The following CEP170 variants were observed in gnomAD, a reference collection of about 807,000 sequenced individuals.
CEP170 encodes centrosomal protein of 170 kDa.
Under a neutral mutation model 151.9 loss-of-function variants are expected in CEP170, and 21 were observed. That is an observed-to-expected ratio of 0.14 (90% CI 0.10 to 0.20). The LOEUF (loss-of-function observed/expected upper bound fraction) is 0.20, where lower values mean the gene tolerates loss of function less well. Ranked by LOEUF, CEP170 falls within the 10% of genes least tolerant of loss-of-function variation. The pLI is 1.00. For synonymous variants in CEP170, 356 were observed against 648.8 expected, an observed-to-expected ratio of 0.55 and a Z score of 6.86; for missense variants, 964 against 1,892.9, an observed-to-expected ratio of 0.51 and a Z score of 9.11.
chr1:243,198,392 T>G (rs2060801573), intron 7 of CEP170, among the ~76,000 whole-genome samples: 1 of 152,160 alleles, frequency 6.6e-6, no homozygotes, highest in Non-Finnish European at 1.5e-5. Flanking sequence ...TTTTTCATTC[T>G]GGCTGCCAAA....
chr1:243,159,735 T>C (rs2057884776), intron 13 of CEP170, among the ~76,000 whole-genome samples: 1 of 143,936 alleles, frequency 6.9e-6, no homozygotes, highest in Non-Finnish European at 1.5e-5. Flanking sequence ...CCAAGTGTTG[T>C]ATACATTCTA....
intron 7 of CEP170, among the ~76,000 whole-genome samples, chr1:243,198,447 C>A (rs2060804774): frequency 6.6e-6 from 1 of 152,062 alleles, no homozygotes; most frequent in Non-Finnish European, 1.5e-5. Context: ...AATGAGCACA[C>A]TGAGGTTTTG....
intron 14 of CEP170, among the ~76,000 whole-genome samples, chr1:243,151,286 C>A (rs1182751713): frequency 6.7e-6 from 1 of 149,926 alleles, no homozygotes. Context: ...AATCTCCCAT[C>A]TGATCAACCA....
intron 1 of CEP170, among the ~76,000 whole-genome samples, chr1:243,237,421 T>C (rs1182857413): frequency 1.3e-5 from 2 of 152,240 alleles, no homozygotes; most frequent in African/African-American, 4.8e-5. Flanking sequence ...AGTGGCACTC[T>C]AGCTAGTTCA....
chr1:243,200,571 G>A lies in CEP170; in HGVS notation c.443C>T (p.Thr148Ile). 1 of 1,587,650 alleles carries A rather than the reference G, an allele frequency of 6.3e-7. No individual in the cohort carries two copies. The highest frequency in any genetic ancestry group is 8.6e-7 in the Non-Finnish European group (1 of 1,164,120). The change falls in exon 6 of 20, where the codon ACT (threonine) becomes ATT (isoleucine). Residue 148 changes from threonine to isoleucine, a missense_variant. Transcript: ENST00000366542. ...SIDSKVADAA[T>I]EVQHKTTEAL... ...TTCAGTAGTTTTGTGCTGCACTTCA[G>A]TAGCAGCGTCTGCTACCTTTGAATC... is the stretch of plus-strand genomic sequence containing the variant.
intron 16 of CEP170, among the ~76,000 whole-genome samples, chr1:243,138,306 A>G (rs2055380812): frequency 6.6e-6 from 1 of 150,660 alleles, no homozygotes; most frequent in African/African-American, 2.4e-5. Flanking sequence ...CCTGATACCA[A>G]GAACAAATCA....
At chr1:243,135,295 C>T (rs1423308084) in intron 17 of CEP170, among the ~76,000 whole-genome samples, 3 of 152,094 alleles carry the variant, frequency 2.0e-5, no homozygotes, top group Non-Finnish European at 4.4e-5. Flanking sequence ...GAAGCTCTGC[C>T]TCCCGGGTTC....
chr1:243,215,335 C>T (rs1221182332), intron 3 of CEP170, among the ~76,000 whole-genome samples: 1 of 152,140 alleles, frequency 6.6e-6, no homozygotes, highest in Non-Finnish European at 1.5e-5. Flanking sequence ...GGTCTGGCTG[C>T]CTGAGAGCCA....
intron 1 of CEP170, among the ~76,000 whole-genome samples, chr1:243,237,233 T>C (rs974692370): frequency 6.6e-6 from 1 of 152,312 alleles, no homozygotes; most frequent in Non-Finnish European, 1.5e-5. Flanking sequence ...TTTATAAATA[T>C]CTCTATACCA....
chr1:243,203,212 A>G (rs2061176283), intron 4 of CEP170, among the ~76,000 whole-genome samples: 1 of 152,180 alleles, frequency 6.6e-6, no homozygotes, highest in African/African-American at 2.4e-5. Flanking sequence ...TAACTTGCTA[A>G]TCAAGAAAAA....
At position 243,249,863 on chromosome 1, in the gene CEP170, A is replaced by G. The variant is rs146346967; in HGVS notation, c.-42+5177T>C. Among the ~76,000 whole-genome samples the G allele has an allele frequency of 8.0e-3, 1,214 of 152,348 alleles. 16 individuals are homozygous for G. The highest frequency in any genetic ancestry group is 0.027 in the African/African-American group (1,138 of 41,582). ...CTTTCAGAGGCCTAGGCAGTGGACCATGAGGTCAGGAGATCAAGATCATCC... is the reference window on the plus strand; with the variant it reads ...CTTTCAGAGGCCTAGGCAGTGGACCGTGAGGTCAGGAGATCAAGATCATCC... On this transcript the variant is annotated intron_variant, in intron 1 of 19. Transcript: ENST00000366542.
chr1:243,175,664 G>A (rs2059181229), intron 10 of CEP170, among the ~76,000 whole-genome samples: 2 of 152,162 alleles, frequency 1.3e-5, no homozygotes, highest in Non-Finnish European at 1.5e-5. Context: ...AGTATGCTAG[G>A]TTCTCTCACC....
At chr1:243,198,118 G>C (rs1449537132) in intron 7 of CEP170, among the ~76,000 whole-genome samples, 1 of 152,114 alleles carries the variant, frequency 6.6e-6, no homozygotes, top group African/African-American at 2.4e-5. Flanking sequence ...TTCAGAGCCA[G>C]ACTTAGTCTT....
At chr1:243,218,043 A>G (rs1254186969) in intron 3 of CEP170, among the ~76,000 whole-genome samples, 1 of 152,238 alleles carries the variant, frequency 6.6e-6, no homozygotes, top group Non-Finnish European at 1.5e-5. Context: ...ATACAACTAC[A>G]TGACACAATT....
At chr1:243,249,108 T>C (rs1021362102) in intron 1 of CEP170, among the ~76,000 whole-genome samples, 2 of 152,168 alleles carry the variant, frequency 1.3e-5, no homozygotes, top group Non-Finnish European at 2.9e-5. Flanking sequence ...ACACAAAATA[T>C]GTATTTATAT....
intron 1 of CEP170, among the ~76,000 whole-genome samples, chr1:243,254,069 G>A (rs1217898315): frequency 6.6e-6 from 1 of 152,058 alleles, no homozygotes; most frequent in Non-Finnish European, 1.5e-5. Flanking sequence ...TGACACAACA[G>A]CTTCGTTGTC....
At chr1:243,176,099 A>G (rs1475944422) in intron 10 of CEP170, among the ~76,000 whole-genome samples, 2 of 152,042 alleles carry the variant, frequency 1.3e-5, no homozygotes, top group Non-Finnish European at 2.9e-5. Context: ...CCCGGCCTCA[A>G]AGGTATTTCC....
chr1:243,231,101 A>G (rs909514956), intron 1 of CEP170, among the ~76,000 whole-genome samples: 1 of 69,868 alleles, frequency 1.4e-5, no homozygotes, highest in African/African-American at 4.5e-5. Context: ...AAGGAGAAGA[A>G]AAAAAAAAAC....
intron 1 of CEP170, among the ~76,000 whole-genome samples, chr1:243,254,711 A>T (rs1361582346): frequency 6.8e-6 from 1 of 146,218 alleles, no homozygotes; most frequent in Non-Finnish European, 1.5e-5. Context: ...GCTGAAAATG[A>T]TTCAATGCAC....
Sources: allele counts gnomAD v4.1 joint callset (sites outside exome capture counted in the v4.1 genomes callset), GRCh38; gene constraint gnomAD v4.1.1; transcripts MANE v1.5; gene names NCBI Gene and HGNC (gene_info 2026-07-23, HGNC 2026-07-21).